HS6ST3: variants seen among roughly 807,000 people sequenced by gnomAD.
The protein encoded by HS6ST3 is heparan sulfate 6-O-sulfotransferase 3.
A neutral mutation model predicts 36.7 loss-of-function variants in HS6ST3; 12 were observed. The observed-to-expected ratio is 0.33, with a 90% CI of 0.21 to 0.53. HS6ST3 has a LOEUF of 0.53. Ranked by LOEUF, HS6ST3 falls within the 20% of genes least tolerant of loss-of-function variation. HS6ST3 has a pLI of 0.95. For missense variants in HS6ST3, 584 were observed against 640.9 expected, an observed-to-expected ratio of 0.91 and a Z score of 0.96; for synonymous variants, 240 against 257.5, an observed-to-expected ratio of 0.93 and a Z score of 0.65.
chr13:96,573,951 A>G lies in HS6ST3; in HGVS notation c.708-258539A>G, dbSNP rs1255021099. 6 of 535,144 alleles carry G rather than the reference A, an allele frequency of 1.1e-5. No individual in the cohort carries two copies. In the East Asian group the frequency reaches 3.1e-4, roughly 28 times the overall value. The allele number at this position is 535,144 out of a possible 1,614,324, so 33.1% of individuals were successfully genotyped here. On this transcript the variant is annotated intron_variant, in intron 1 of 1. Transcript: ENST00000376705. ...GAGGTGACTGCACAGATGTGCTGCT[A>G]CTGCTTTACCAAACTCCACTGTCAG...
intron 1 of HS6ST3, among the ~76,000 whole-genome samples, chr13:96,624,641 C>A (rs1310813664): frequency 6.6e-6 from 1 of 151,916 alleles, no homozygotes; most frequent in Non-Finnish European, 1.5e-5. Context: ...ACTGTTCCAT[C>A]TTTATATCTA....
intron 1 of HS6ST3, among the ~76,000 whole-genome samples, chr13:96,675,196 G>A (rs1046239715): frequency 2.0e-5 from 3 of 152,102 alleles, no homozygotes; most frequent in African/African-American, 4.8e-5. Context: ...ATGAATTATA[G>A]TTTTAAGTAT....
chr13:96,594,191 C>T (rs1273775469), intron 1 of HS6ST3, among the ~76,000 whole-genome samples: 2 of 151,928 alleles, frequency 1.3e-5, no homozygotes, highest in African/African-American at 4.8e-5. Flanking sequence ...AGGTTGGTCT[C>T]CTACTCCCAA....
At chr13:96,410,400 C>A (rs1221995232) in intron 1 of HS6ST3, among the ~76,000 whole-genome samples, 1 of 152,010 alleles carries the variant, frequency 6.6e-6, no homozygotes, top group African/African-American at 2.4e-5. Flanking sequence ...TATAGCCTCA[C>A]TGATATTCAA....
chr13:96,775,895 C>T (rs1877376819), intron 1 of HS6ST3, among the ~76,000 whole-genome samples: 1 of 152,156 alleles, frequency 6.6e-6, no homozygotes, highest in African/African-American at 2.4e-5. Flanking sequence ...ACATTCTTCT[C>T]AGCACCACAT....
At chr13:96,147,263 A>C (rs956364545) in intron 1 of HS6ST3, among the ~76,000 whole-genome samples, 8 of 152,276 alleles carry the variant, frequency 5.3e-5, no homozygotes, top group African/African-American at 7.2e-5. Flanking sequence ...TATATTTCCC[A>C]CTTTATCCTG....
intron 1 of HS6ST3, among the ~76,000 whole-genome samples, chr13:96,526,050 G>A (rs1393007155): frequency 6.6e-6 from 1 of 152,186 alleles, no homozygotes; most frequent in Non-Finnish European, 1.5e-5. Flanking sequence ...ATTTGGAGGA[G>A]TTTTGAAGTT....
intron 1 of HS6ST3, among the ~76,000 whole-genome samples, chr13:96,769,734 C>CTGTGTGTGTGTGTG (rs66777701): frequency 1.9e-4 from 26 of 140,308 alleles, no homozygotes; most frequent in African/African-American, 7.2e-4. Context: ...ATTCCTAGCT[C>CTGTGTGTGTGTGTG]TGTGTGTGTG....
At chr13:96,302,459 A>G (rs1488327222) in intron 1 of HS6ST3, among the ~76,000 whole-genome samples, 1 of 152,192 alleles carries the variant, frequency 6.6e-6, no homozygotes, top group Admixed American at 6.5e-5. Context: ...TAGGTATTCA[A>G]ATAGATAAAT....
intron 1 of HS6ST3, among the ~76,000 whole-genome samples, chr13:96,304,066 C>T (rs761625056): frequency 1.2e-4 from 18 of 151,220 alleles, no homozygotes; most frequent in Non-Finnish European, 1.9e-4. Context: ...TTGCTTGAAC[C>T]CGGGAGGTGG....
intron 1 of HS6ST3, among the ~76,000 whole-genome samples, chr13:96,554,333 C>A (rs2056231368): frequency 6.6e-6 from 1 of 152,108 alleles, no homozygotes. Context: ...TTATCTATCT[C>A]TATGTAAAAA....
At chr13:96,331,088 A>T (rs948975527) in intron 1 of HS6ST3, among the ~76,000 whole-genome samples, 1 of 151,964 alleles carries the variant, frequency 6.6e-6, no homozygotes, top group Admixed American at 6.6e-5. Flanking sequence ...ATTCTGTTAA[A>T]TTTTTTTCAA....
chr13:96,354,584 T>C (rs1348596597), intron 1 of HS6ST3, among the ~76,000 whole-genome samples: 1 of 152,172 alleles, frequency 6.6e-6, no homozygotes, highest in African/African-American at 2.4e-5. Context: ...CAAATTTATG[T>C]CTGGCCCCAT....
chr13:96,325,907 G>A (rs2055028431), intron 1 of HS6ST3, among the ~76,000 whole-genome samples: 1 of 152,078 alleles, frequency 6.6e-6, no homozygotes, highest in African/African-American at 2.4e-5. Flanking sequence ...TGTATCGTAA[G>A]ATATGGTAAT....
intron 1 of HS6ST3, among the ~76,000 whole-genome samples, chr13:96,443,818 C>T (rs1023618897): frequency 6.6e-6 from 1 of 152,128 alleles, no homozygotes; most frequent in Admixed American, 6.5e-5. Context: ...ACTTGTTATT[C>T]ATTTTCAGCT....
intron 1 of HS6ST3, among the ~76,000 whole-genome samples, chr13:96,464,015 A>G (rs866985477): frequency 4.2e-4 from 33 of 77,708 alleles, no homozygotes; most frequent in Middle Eastern, 7.1e-3. Context: ...AGTCCCATAG[A>G]CAGGTTTTTT....
At chr13:96,516,569 A>G (rs2056073718) in intron 1 of HS6ST3, among the ~76,000 whole-genome samples, 2 of 152,180 alleles carry the variant, frequency 1.3e-5, no homozygotes, top group African/African-American at 4.8e-5. Flanking sequence ...TATATATGCT[A>G]TCAAATTATT....
intron 1 of HS6ST3, among the ~76,000 whole-genome samples, chr13:96,201,538 T>C (rs996840186): frequency 2.0e-5 from 3 of 152,218 alleles, no homozygotes. Flanking sequence ...TCCTGTTGAA[T>C]TGGATTCCTT....
At chr13:96,329,700 G>T (rs1213315734) in intron 1 of HS6ST3, among the ~76,000 whole-genome samples, 1 of 116,368 alleles carries the variant, frequency 8.6e-6, no homozygotes, top group Non-Finnish European at 1.8e-5. Flanking sequence ...TATTAGGTCC[G>T]CTTGGTGCAG....
Sources: gnomAD v4.1 joint callset for allele counts (sites outside exome capture counted in the v4.1 genomes callset) on GRCh38, gnomAD v4.1.1 for gene constraint, MANE v1.5 for transcripts, NCBI Gene and HGNC (gene_info 2026-07-23, HGNC 2026-07-21) for gene names.